Variants in MOGS observed in about 807,000 individuals in gnomAD.
The protein encoded by MOGS is epididymis secretory sperm binding protein.
Under a neutral mutation model 68.5 loss-of-function variants are expected in MOGS, and 45 were observed. That is an observed-to-expected ratio of 0.66 (90% CI 0.52 to 0.84). The LOEUF is 0.84. Ranked by LOEUF, MOGS falls within the 40% of genes least tolerant of loss-of-function variation. MOGS has a pLI of 0.00. For synonymous variants in MOGS, 492 were observed against 461.2 expected, an observed-to-expected ratio of 1.07 and a Z score of -0.86; for missense variants, 1,020 against 1,095.0, an observed-to-expected ratio of 0.93 and a Z score of 0.97.
Position 74,464,993 on chromosome 2 carries a change from G to T in MOGS, c.255C>A (p.Ser85=). The part of the protein sequence containing the change: ...HSAPPVLPAD[S]SSPAVAPDLF... ...GGTCCGGGGCCACGGCGGGGCTGGA[G>T]GAGTCGGCAGGCAACACAGGAGGCG... Residue 85 remains serine, a synonymous_variant, in exon 1 of 4, where the codon TCC becomes TCA. Coordinates refer to ENST00000448666, the MANE Select transcript of MOGS (RefSeq NM_006302.3). The T allele has an allele frequency of 6.4e-7, 1 of 1,558,018 alleles. No homozygotes were observed. The highest frequency in any genetic ancestry group is 2.4e-5 in the East Asian group (1 of 41,650).
chr2:74,463,616 T>G, intron 2 of MOGS: 1 of 555,872 alleles, frequency 1.8e-6, no homozygotes, highest in Non-Finnish European at 3.2e-6. Context: ...ACTTTTGTAC[T>G]ATGTCCTACA....
chr2:74,461,188 C>T lies in MOGS; in HGVS notation c.*87G>A, dbSNP rs1325447235. 1 of 1,517,138 alleles carries T rather than the reference C, an allele frequency of 6.6e-7. No homozygotes were observed. The highest frequency in any genetic ancestry group is 9.0e-7 in the Non-Finnish European group (1 of 1,106,342). The allele number at this position is 1,517,138 out of a possible 1,614,324, so 94.0% of individuals were successfully genotyped here. ...GAGGAAGGTTTGAATTACTGGTATCCAAGGGGCTGGGGGCAAAAGCCAGAA... is the reference window on the plus strand; with the variant it reads ...GAGGAAGGTTTGAATTACTGGTATCTAAGGGGCTGGGGGCAAAAGCCAGAA... On this transcript the variant is annotated 3_prime_UTR_variant, in exon 4 of 4. Coordinates refer to ENST00000448666, the MANE Select transcript of MOGS (RefSeq NM_006302.3).
intron 2 of MOGS, among the ~76,000 whole-genome samples, chr2:74,463,823 C>T (rs1474075741): frequency 6.6e-6 from 1 of 151,804 alleles, no homozygotes; most frequent in Non-Finnish European, 1.5e-5. Context: ...GCCACCACGC[C>T]CAGCTAATTT....
intron 2 of MOGS, chr2:74,463,607 C>CT (rs1572921308): frequency 3.8e-6 from 2 of 521,452 alleles, no homozygotes; most frequent in East Asian, 7.4e-5. Flanking sequence ...TAACAGTATA[C>CT]TTTTGTACTA....
At position 74,465,158 on chromosome 2, in the gene MOGS, C is replaced by G; in HGVS notation, c.90G>C (p.Arg30=). Residue 30 remains arginine, a synonymous_variant, in exon 1 of 4, where the codon CGG becomes CGC. Coordinates refer to ENST00000448666, the MANE Select transcript of MOGS (RefSeq NM_006302.3). ...TACGCGGCCCGCCGCCCCGGCCGTC[C>G]CGTCGCCCGGGGCCTCCCCGAGCCG... ...ERAARGGPGR[R]DGRGGGPRST... 1 of 1,531,646 alleles carries G rather than the reference C, an allele frequency of 6.5e-7. No individual in the cohort carries two copies. Among genetic ancestry groups the G allele is most frequent in the Non-Finnish European group, 8.7e-7 (1 of 1,145,394 alleles). The allele number at this position is 1,531,646 out of a possible 1,614,324, so 94.9% of individuals were successfully genotyped here.
Position 74,465,072 on chromosome 2 carries a change from C to T in MOGS, c.176G>A (p.Gly59Glu), listed in dbSNP as rs1331457186. The T allele has an allele frequency of 6.4e-7, 1 of 1,556,002 alleles. No individual in the cohort carries two copies. The highest frequency in any genetic ancestry group is 1.9e-5 in the Admixed American group (1 of 51,918). Reference sequence around the variant, plus strand: ...ACGGTACCACGCCAGCACCCAGCGCCCCGACATACCCAGGGCCAAAGACAG... The same window carrying T: ...ACGGTACCACGCCAGCACCCAGCGCTCCGACATACCCAGGGCCAAAGACAG... ...VVLSLALGMS[G>E]RWVLAWYRAR... Residue 59 changes from glycine (G) to glutamate (E), a missense_variant, in exon 1 of 4, where the codon GGG (glycine) becomes GAG (glutamate). By Grantham distance (98) the Gly-to-Glu change is moderately conservative (BLOSUM62 -2). This residue lies in a region of MOGS where 569 missense variants were observed against 571.9 expected (regional missense o/e 0.99). Coordinates refer to ENST00000448666, the MANE Select transcript of MOGS (RefSeq NM_006302.3).
At position 74,465,008 on chromosome 2, in the gene MOGS, C is replaced by T. The variant is rs1482876874; in HGVS notation, c.240G>A (p.Val80=). 3 of 1,555,790 alleles carry T rather than the reference C, an allele frequency of 1.9e-6. No homozygotes were observed. The highest frequency in any genetic ancestry group is 2.7e-5 in the African/African-American group (2 of 73,388). The change falls in exon 1 of 4, where the codon GTG becomes GTA. Residue 80 remains valine (V), a synonymous_variant. Coordinates refer to ENST00000448666, the MANE Select transcript of MOGS (RefSeq NM_006302.3). ...RAVTLHSAPP[V]LPADSSSPAV... ...CGGGGCTGGAGGAGTCGGCAGGCAA[C>T]ACAGGAGGCGCGGAGTGCAGCGTGA...
Position 74,462,474 on chromosome 2 carries a change from G to A in MOGS, c.1315C>T (p.Pro439Ser). Residue 439 changes from proline to serine, a missense_variant, in exon 4 of 4, where the codon CCC (proline) becomes TCC (serine). Physicochemically the swap from Pro to Ser is moderately conservative, Grantham distance 74 (BLOSUM62 -1). Around this residue, in one of 3 missense-constraint regions of MOGS, gnomAD observed 181 missense variants for 261.8 expected, o/e 0.69. Transcript: ENST00000448666. ...CCTCGTGGGAAGAATGACCGGGAGG[G>A]CACTGCTGTAAAAAGAGGTACGGGT... Reference protein sequence around the residue: ...FPPVPLFTAVPSRSFFPRGFL... With the variant: ...FPPVPLFTAVSSRSFFPRGFL... 6.2e-7 allele frequency: 1 copy of A among 1,610,768 alleles called. No individual in the cohort carries two copies. Among genetic ancestry groups the A allele is most frequent in the Admixed American group, 1.7e-5 (1 of 59,872 alleles).
At position 74,465,339 on chromosome 2, in the gene MOGS, G is replaced by A. The variant is rs1324214581; in HGVS notation, c.-92C>T. The stretch of plus-strand genomic sequence containing the variant: ...CTCTCCGGCTCCCGCCTCTCGCCCT[G>A]GCGACCACCGTCCGGTTAGCGACAC... On this transcript the variant is annotated 5_prime_UTR_variant, in exon 1 of 4. Coordinates refer to ENST00000448666, the MANE Select transcript of MOGS (RefSeq NM_006302.3). 7 of 778,966 alleles carry A rather than the reference G, an allele frequency of 9.0e-6. No individual in the cohort carries two copies. The highest frequency in any genetic ancestry group is 1.3e-5 in the Non-Finnish European group (7 of 553,142). The allele number at this position is 778,966 out of a possible 1,614,324, so 48.3% of individuals were successfully genotyped here.
Position 74,462,415 on chromosome 2 carries a change from C to T in MOGS, c.1374G>A (p.Val458=). ...FLWDEGFHQL[V]VQRWDPSLTR... ...TGAGGGAGGGATCCCACCGCTGAAC[C>T]ACCAGCTGGTGAAAGCCTTCATCCC... The change falls in exon 4 of 4, where the codon GTG becomes GTA. Residue 458 remains valine (V), a synonymous_variant. Coordinates refer to ENST00000448666, the MANE Select transcript of MOGS (RefSeq NM_006302.3). 4 of 1,613,764 alleles carry T rather than the reference C, an allele frequency of 2.5e-6. No individual in the cohort carries two copies. The highest frequency in any genetic ancestry group is 2.5e-6 in the Non-Finnish European group (3 of 1,179,780).
rs747966791 is a variant in MOGS, at chr2:74,462,409, C to A, written c.1380G>T (p.Gln460His). The change falls in exon 4 of 4, where the codon CAG (glutamine) becomes CAT (histidine). Residue 460 changes from glutamine to histidine, a missense_variant. Gln to His is a conservative substitution (Grantham distance 24). Coordinates refer to ENST00000448666, the MANE Select transcript of MOGS (RefSeq NM_006302.3). The part of the protein sequence containing the change: ...WDEGFHQLVV[Q>H]RWDPSLTREA... The stretch of plus-strand genomic sequence containing the variant: ...CCCGGGTGAGGGAGGGATCCCACCG[C>A]TGAACCACCAGCTGGTGAAAGCCTT... 6.2e-7 allele frequency: 1 copy of A among 1,613,900 alleles called. No homozygotes were observed. The highest frequency in any genetic ancestry group is 8.5e-7 in the Non-Finnish European group (1 of 1,179,876).
In MOGS at chr2:74,462,202, G is replaced by A. The variant is rs190772368; in HGVS notation, c.1587C>T (p.Asp529=). The A allele has an allele frequency of 2.3e-4, 367 of 1,614,180 alleles. 2 individuals carry two copies. The East Asian group carries it at 7.6e-3, about 33-fold the overall frequency. The part of the protein sequence containing the change: ...VAHMLEVGDP[D]DLAFLRKALP... ...AGGCCTTTCGGAGGAAAGCCAAGTC[G>A]TCAGGGTCACCAACCTCTAGCATAT... The change falls in exon 4 of 4, where the codon GAC becomes GAT. Residue 529 remains aspartate, a synonymous_variant. Transcript: ENST00000448666.
rs757095000 is a variant in MOGS at position 74,461,614 on chromosome 2, G to A, written c.2175C>T (p.Pro725=). The A allele has an allele frequency of 1.2e-6, 2 of 1,614,008 alleles. No individual in the cohort carries two copies. The highest frequency in any genetic ancestry group is 1.3e-5 in the African/African-American group (1 of 75,048). The part of the protein sequence containing the change: ...ILADSRHLWS[P]FGLRSLAASS... ...AGGCTGCAAGGGAGCGTAAACCAAA[G>A]GGGCTCCAGAGATGGCGGCTGTCGG... Residue 725 remains proline (P), a synonymous_variant, in exon 4 of 4, where the codon CCC becomes CCT. Coordinates refer to ENST00000448666, the MANE Select transcript of MOGS (RefSeq NM_006302.3).
chr2:74,461,935 C>G lies in MOGS; in HGVS notation c.1854G>C (p.Leu618=). ...ARVLTRLAEH[L]GEAEVAAELG... ...GCTCAGCAGCTACCTCAGCCTCACC[C>G]AGATGCTCTGCCAGCCGCGTCAGCA... is the stretch of plus-strand genomic sequence containing the variant. The change falls in exon 4 of 4, where the codon CTG becomes CTC. Residue 618 remains leucine (L), a synonymous_variant. Coordinates refer to ENST00000448666, the MANE Select transcript of MOGS (RefSeq NM_006302.3). The G allele has an allele frequency of 6.2e-7, 1 of 1,614,162 alleles. No homozygotes were observed. The highest frequency in any genetic ancestry group is 8.5e-7 in the Non-Finnish European group (1 of 1,180,020).
At position 74,465,206 on chromosome 2, in the gene MOGS, C is replaced by A; in HGVS notation, c.42G>T (p.Glu14Asp). Reference protein sequence around the residue: ...GERRRRAVPAEGVRTAERAAR... With the variant: ...GERRRRAVPADGVRTAERAAR... ...CCGCCCTCTCGGCTGTCCGCACTCC[C>A]TCTGCCGGCACTGCGCGGCGCCGCC... Residue 14 changes from glutamate to aspartate, a missense_variant, in exon 1 of 4, where the codon GAG (glutamate) becomes GAT (aspartate). Glu to Asp is a conservative substitution (Grantham distance 45, BLOSUM62 2). Coordinates refer to ENST00000448666, the MANE Select transcript of MOGS (RefSeq NM_006302.3). 1 of 1,508,054 alleles carries A rather than the reference C, an allele frequency of 6.6e-7. No individual in the cohort carries two copies. The highest frequency in any genetic ancestry group is 8.8e-7 in the Non-Finnish European group (1 of 1,142,414). 93.4% of individuals were successfully genotyped at this position (1,508,054 alleles called of 1,614,324 possible). A position where few individuals can be genotyped will look rare whatever the true frequency, so the allele number is the denominator to read the frequency against.
At position 74,463,320 on chromosome 2, in the gene MOGS, C is replaced by G; in HGVS notation, c.646G>C (p.Val216Leu). 2 of 1,614,190 alleles carry G rather than the reference C, an allele frequency of 1.2e-6. No homozygotes were observed. The highest frequency in any genetic ancestry group is 1.7e-6 in the Non-Finnish European group (2 of 1,180,040). Residue 216 changes from valine (V) to leucine (L), a missense_variant, in exon 3 of 4, where the codon GTC (valine) becomes CTC (leucine). Coordinates refer to ENST00000448666, the MANE Select transcript of MOGS (RefSeq NM_006302.3). ...TTGGCCCCAACCTCTGGTAGTAGGA[C>G]TTCCTTGCCATCTGTCACCACATAG... ...FFYVVTDGKE[V>L]LLPEVGAKGQ...
rs770596078 is a variant in MOGS, at chr2:74,464,516, T to C, written c.559A>G (p.Arg187Gly). The C allele has an allele frequency of 6.2e-7, 1 of 1,614,138 alleles. No individual in the cohort carries two copies. Among genetic ancestry groups the C allele is most frequent in the Non-Finnish European group, 8.5e-7 (1 of 1,180,026 alleles). ...CTGACCTGAGGCTCTACAGTCACTCTCCAGCTCCAGTCCCCTCCGTGCTGA... is the reference window on the plus strand; with the variant it reads ...CTGACCTGAGGCTCTACAGTCACTCCCCAGCTCCAGTCCCCTCCGTGCTGA... ...GGQHGGDWSW[R>G]VTVEPQDSGT... The change falls in exon 2 of 4, where the codon AGA (arginine) becomes GGA (glycine). Residue 187 changes from arginine to glycine, a missense_variant. Arg to Gly is a moderately radical substitution (Grantham distance 125, BLOSUM62 -2). Transcript: ENST00000448666.
chr2:74,464,912 C>T lies in MOGS; in HGVS notation c.336G>A (p.Pro112=), dbSNP rs766064204. ...CCCGGTTACCGGTGAGGAGGGGCTT[C>T]GGGCTGCGGGTCTTCATGCCGAAGT... ...HVYFGMKTRS[P]KPLLTGLMWA... The change falls in exon 1 of 4, where the codon CCG becomes CCA. Residue 112 remains proline, a synonymous_variant. Transcript: ENST00000448666. 11 of 1,604,736 alleles carry T rather than the reference C, an allele frequency of 6.9e-6. No homozygotes were observed. Among genetic ancestry groups the T allele is most frequent in the Non-Finnish European group, 8.5e-6 (10 of 1,175,336 alleles).
Position 74,464,489 on chromosome 2 carries a change from C to A in MOGS, c.579+7G>T, listed in dbSNP as rs894211574. On this transcript the variant is annotated splice_region_variant and intron_variant, in intron 2 of 3. Coordinates refer to ENST00000448666, the MANE Select transcript of MOGS (RefSeq NM_006302.3). ...GGGCTGAGAAAAGGGTGTCCTGAGG[C>A]CCTGACCTGAGGCTCTACAGTCACT... is the stretch of plus-strand genomic sequence containing the variant. 1 of 1,613,644 alleles carries A rather than the reference C, an allele frequency of 6.2e-7. No homozygotes were observed. The highest frequency in any genetic ancestry group is 8.5e-7 in the Non-Finnish European group (1 of 1,179,876).
Sources: allele counts gnomAD v4.1 joint callset (sites outside exome capture counted in the v4.1 genomes callset), GRCh38; gene constraint gnomAD v4.1.1; regional missense constraint gnomAD v4.1.1; transcripts MANE v1.5; gene names NCBI Gene and HGNC (gene_info 2026-07-23, HGNC 2026-07-21).